Variants in GATA4 observed in about 807,000 individuals in gnomAD.
GATA4 encodes GATA binding protein 4.
GATA4 carries 7 observed loss-of-function variants against 37.9 expected under a neutral mutation model. The observed-to-expected ratio is 0.18, with a 90% CI of 0.11 to 0.35. GATA4 has a LOEUF of 0.35. Among genes scored for constraint, GATA4 ranks in the 10% least tolerant of loss-of-function variants. The pLI, the probability that GATA4 is intolerant of heterozygous loss-of-function variation, is 1.00. For synonymous variants in GATA4, 372 were observed against 292.6 expected, an observed-to-expected ratio of 1.27 and a Z score of -2.77; for missense variants, 647 against 653.0, an observed-to-expected ratio of 0.99 and a Z score of 0.10.
chr8:11,758,687 G>T lies in GATA4; in HGVS notation c.*212G>T. The T allele has an allele frequency of 1.6e-6, 1 of 611,750 alleles. No homozygotes were observed. Among genetic ancestry groups the T allele is most frequent in the Non-Finnish European group, 2.9e-6 (1 of 340,534 alleles). The allele number at this position is 611,750 out of a possible 1,614,324, so 37.9% of individuals were successfully genotyped here. Reference sequence around the variant, plus strand: ...TTACACGCTGATGGGACTGGAGGGAGCCCACCCTTCAGCACGAGCACACTG... The same window carrying T: ...TTACACGCTGATGGGACTGGAGGGATCCCACCCTTCAGCACGAGCACACTG... On this transcript the variant is annotated 3_prime_UTR_variant, in exon 7 of 7. Coordinates refer to ENST00000532059, the MANE Select transcript of GATA4 (RefSeq NM_001308093.3).
At chr8:11,710,716 G>A (rs981793889) in intron 2 of GATA4, among the ~76,000 whole-genome samples, 2 of 134,778 alleles carry the variant, frequency 1.5e-5, no homozygotes, top group East Asian at 4.5e-4. Flanking sequence ...AAAAAAAAAG[G>A]ACTGGTCCAG....
At chr8:11,713,506 G>A (rs567774737) in intron 2 of GATA4, among the ~76,000 whole-genome samples, 31 of 152,218 alleles carry the variant, frequency 2.0e-4, no homozygotes, top group African/African-American at 6.5e-4. Context: ...CTAGGGGAAC[G>A]GTGGGCAGGA....
intron 2 of GATA4, among the ~76,000 whole-genome samples, chr8:11,714,178 A>G (rs1444624089): frequency 6.6e-6 from 1 of 152,256 alleles, no homozygotes; most frequent in Non-Finnish European, 1.5e-5. Context: ...TGTGTAATGG[A>G]GACATAAGCA....
chr8:11,757,508 G>A (rs998884338), intron 6 of GATA4, among the ~76,000 whole-genome samples: 6 of 152,246 alleles, frequency 3.9e-5, no homozygotes, highest in South Asian at 2.1e-4. Flanking sequence ...GAGGCCGAGC[G>A]GAGGTTCTCT....
At chr8:11,711,747 CAAAAA>C (rs71205018) in intron 2 of GATA4, among the ~76,000 whole-genome samples, 3 of 56,862 alleles carry the variant, frequency 5.3e-5, no homozygotes, top group Non-Finnish European at 1.0e-4. Context: ...GACCCTCTCT[CAAAAA>C]AAAAAAAAAA....
intron 4 of GATA4, among the ~76,000 whole-genome samples, chr8:11,750,669 A>T (rs1802255916): frequency 6.6e-6 from 1 of 151,300 alleles, no homozygotes; most frequent in Non-Finnish European, 1.5e-5. Context: ...ATCATGACTC[A>T]TGCCTGTAAT....
chr8:11,680,924 G>A, intron 1 of GATA4: 1 of 985,394 alleles, frequency 1.0e-6, no homozygotes, highest in Non-Finnish European at 1.2e-6. Flanking sequence ...ATCACAGTAG[G>A]TGTTTCATCA....
At chr8:11,713,881 C>T (rs911600346) in intron 2 of GATA4, among the ~76,000 whole-genome samples, 6 of 152,068 alleles carry the variant, frequency 3.9e-5, no homozygotes, top group Non-Finnish European at 8.8e-5. Context: ...CGGACGTAGC[C>T]GGAGAACGTA....
At chr8:11,752,642 T>C (rs1802359627) in intron 4 of GATA4, among the ~76,000 whole-genome samples, 1 of 152,200 alleles carries the variant, frequency 6.6e-6, no homozygotes, top group East Asian at 1.9e-4. Context: ...TAGATATATA[T>C]GTGTACAGAT....
chr8:11,704,633 T>G (rs1182295489), intron 1 of GATA4, among the ~76,000 whole-genome samples: 1 of 152,056 alleles, frequency 6.6e-6, no homozygotes, highest in African/African-American at 2.4e-5. Context: ...GGGGCCTGGG[T>G]GGTGATGGTG....
chr8:11,752,171 G>A (rs1416393574), intron 4 of GATA4, among the ~76,000 whole-genome samples: 1 of 152,168 alleles, frequency 6.6e-6, no homozygotes, highest in Non-Finnish European at 1.5e-5. Context: ...AGAAATATAT[G>A]TAGCATGACC....
At chr8:11,745,906 A>G (rs967866488) in intron 2 of GATA4, among the ~76,000 whole-genome samples, 2 of 152,322 alleles carry the variant, frequency 1.3e-5, no homozygotes, top group Middle Eastern at 3.4e-3. Flanking sequence ...TTGACCACAA[A>G]TGATTGGAAG....
intron 1 of GATA4, among the ~76,000 whole-genome samples, chr8:11,686,277 G>A (rs1316016840): frequency 6.6e-6 from 1 of 150,796 alleles, no homozygotes; most frequent in African/African-American, 2.5e-5. Context: ...AAGTAACATC[G>A]AGATAAAGAC....
At chr8:11,738,212 T>G (rs1421809156) in intron 2 of GATA4, among the ~76,000 whole-genome samples, 1 of 147,132 alleles carries the variant, frequency 6.8e-6, no homozygotes, top group East Asian at 2.0e-4. Flanking sequence ...CTATCACAAA[T>G]AAGAAATACA....
intron 1 of GATA4, chr8:11,681,451 C>T (rs1798967817): frequency 4.1e-6 from 4 of 981,680 alleles, no homozygotes; most frequent in East Asian, 2.3e-4. Flanking sequence ...GCGCAGACGC[C>T]GGAATCCGGG....
upstream of GATA4, among the ~76,000 whole-genome samples, chr8:11,699,560 G>A (rs1799604087): frequency 6.6e-6 from 1 of 152,248 alleles, no homozygotes; most frequent in Admixed American, 6.5e-5. Context: ...GGGAGGGAGA[G>A]AGGGAGCCAG....
chr8:11,698,381 G>A (rs1035876738), intron 1 of GATA4, among the ~76,000 whole-genome samples: 1 of 152,186 alleles, frequency 6.6e-6, no homozygotes, highest in Non-Finnish European at 1.5e-5. Context: ...GCACAGAGAA[G>A]GTGCTCAGTC....
intron 2 of GATA4, among the ~76,000 whole-genome samples, chr8:11,736,168 G>A (rs954159931): frequency 8.6e-5 from 13 of 152,028 alleles, no homozygotes; most frequent in African/African-American, 1.9e-4. Flanking sequence ...ACCTCACAAA[G>A]GGCTGGGATT....
chr8:11,680,532 C>G, intron 1 of GATA4: 1 of 985,460 alleles, frequency 1.0e-6, no homozygotes, highest in Non-Finnish European at 1.2e-6. Context: ...GGACGGGTGT[C>G]GCGCCGACGT....
Sources: allele counts gnomAD v4.1 joint callset (sites outside exome capture counted in the v4.1 genomes callset), GRCh38; gene constraint gnomAD v4.1.1; transcripts MANE v1.5; gene names NCBI Gene and HGNC (gene_info 2026-07-23, HGNC 2026-07-21).